Variants in NDE1 observed in about 807,000 individuals in gnomAD.
The protein encoded by NDE1 is nudE neurodevelopment protein 1, also known as nuclear distribution protein nudE homolog 1.
Under a neutral mutation model 43.4 loss-of-function variants are expected in NDE1, and 28 were observed. The observed-to-expected ratio is 0.65, with a 90% CI of 0.48 to 0.89. The LOEUF is 0.89. NDE1 is among the 40% of genes least tolerant of loss of function. The pLI is 0.00. For missense variants in NDE1, 441 were observed against 434.1 expected (o/e 1.02, Z -0.14); for synonymous variants, 184 against 172.0 (o/e 1.07, Z -0.55).
rs1286437352 is a variant in NDE1 at position 15,725,348 on chromosome 16, A to G, written c.*1097A>G. ...GACAAAGCAGCAGGTCTGAGAGTCC[A>G]GACGAGGTGCTCTGGCTGGTCCACT... is the stretch of plus-strand genomic sequence containing the variant. On this transcript the variant is annotated 3_prime_UTR_variant, in exon 9 of 9. Coordinates refer to ENST00000396354, the MANE Select transcript of NDE1 (RefSeq NM_017668.3). 1.8e-6 allele frequency: 1 copy of G among 559,848 alleles called. No homozygotes were observed. Among genetic ancestry groups the G allele is most frequent in the East Asian group, 3.0e-5 (1 of 33,134 alleles). The allele number at this position is 559,848 out of a possible 1,614,324, so 34.7% of individuals were successfully genotyped here.
Position 15,717,134 on chromosome 16 carries a change from G to T in NDE1, c.948-7057G>T, listed in dbSNP as rs371348553. ...AAACTGGGTTCGGAACTCCACACCCGCATACCTGGCCTCCTGCTCGACCTG... is the reference window on the plus strand; with the variant it reads ...AAACTGGGTTCGGAACTCCACACCCTCATACCTGGCCTCCTGCTCGACCTG... On this transcript the variant is annotated intron_variant, in intron 8 of 8. Transcript: ENST00000396354. 25 of 1,613,948 alleles carry T rather than the reference G, an allele frequency of 1.5e-5. No homozygotes were observed. The highest frequency in any genetic ancestry group is 3.3e-5 in the South Asian group (3 of 91,086).
At position 15,725,486 on chromosome 16, in the gene NDE1, G is replaced by A. The variant is rs981608565; in HGVS notation, c.*1235G>A. 3.3e-5 allele frequency: 14 copies of A among 428,740 alleles called. No individual in the cohort carries two copies. Among genetic ancestry groups the A allele is most frequent in the South Asian group, 8.6e-5 (1 of 11,676 alleles). 26.6% of individuals were successfully genotyped at this position (428,740 alleles called of 1,614,324 possible). ...GACCCTGATGGCCAAAGCCAGAGAC[G>A]CAGGCCCTAAAGGTAAAAACGTCCT... On this transcript the variant is annotated 3_prime_UTR_variant, in exon 9 of 9. Coordinates refer to ENST00000396354, the MANE Select transcript of NDE1 (RefSeq NM_017668.3).
At chr16:15,660,486 T>G (rs1359709734) in intron 1 of NDE1, among the ~76,000 whole-genome samples, 3 of 152,034 alleles carry the variant, frequency 2.0e-5, no homozygotes. Context: ...AAAAAAAAAT[T>G]GCTTCCCTCA....
chr16:15,717,587 G>T (rs2040229978), intron 8 of NDE1: 1 of 591,164 alleles, frequency 1.7e-6, no homozygotes, highest in Non-Finnish European at 3.0e-6. Context: ...TTGAGCTCAG[G>T]AGTTCGAGAC....
chr16:15,676,768 G>A (rs1412150909), intron 3 of NDE1, among the ~76,000 whole-genome samples: 1 of 151,930 alleles, frequency 6.6e-6, no homozygotes, highest in Non-Finnish European at 1.5e-5. Flanking sequence ...GGCTCGAATG[G>A]TCCTCCCACC....
chr16:15,706,564 G>A (rs554951157), intron 8 of NDE1, among the ~76,000 whole-genome samples: 9 of 152,060 alleles, frequency 5.9e-5, no homozygotes, highest in African/African-American at 9.7e-5. Flanking sequence ...TAAATTAGCC[G>A]TGCGTGGTGG....
intron 3 of NDE1, among the ~76,000 whole-genome samples, chr16:15,668,862 T>C (rs1054502632): frequency 2.0e-5 from 3 of 152,152 alleles, no homozygotes; most frequent in Admixed American, 2.0e-4. Flanking sequence ...TCATCCTCCG[T>C]TGGGAGGGAC....
At chr16:15,698,345 C>T (rs1245820117) in intron 8 of NDE1, among the ~76,000 whole-genome samples, 3 of 151,182 alleles carry the variant, frequency 2.0e-5, no homozygotes, top group African/African-American at 2.4e-5. Flanking sequence ...CGCAGTGAGC[C>T]GTGTTCCCAG....
intron 2 of NDE1, among the ~76,000 whole-genome samples, 173 bp from the exon 3 acceptor site, chr16:15,667,113 C>T (rs921269705): frequency 6.6e-6 from 1 of 151,866 alleles, no homozygotes; most frequent in Non-Finnish European, 1.5e-5. Flanking sequence ...GGGTGTGGTG[C>T]CGCATGCCTG....
intron 8 of NDE1, chr16:15,699,833 G>A (rs755739994): frequency 7.4e-7 from 1 of 1,349,500 alleles, no homozygotes; most frequent in East Asian, 4.6e-5. Flanking sequence ...GAAAACCACG[G>A]AAGCTGAAGG....
chr16:15,662,280 CTTTTTTTTTT>C (rs774915905), intron 1 of NDE1, among the ~76,000 whole-genome samples: 6 of 124,960 alleles, frequency 4.8e-5, no homozygotes, highest in African/African-American at 8.8e-5. Context: ...TTTCTCTTTT[CTTTTTTTTTT>C]TTTTTTTTTT....
intron 1 of NDE1, among the ~76,000 whole-genome samples, chr16:15,664,277 G>A (rs2037190734): frequency 6.6e-6 from 1 of 152,054 alleles, no homozygotes; most frequent in South Asian, 2.1e-4. Flanking sequence ...AATATAACAG[G>A]TGAGTGGATT....
At chr16:15,658,416 A>G (rs2036878903) in intron 1 of NDE1, among the ~76,000 whole-genome samples, 1 of 151,978 alleles carries the variant, frequency 6.6e-6, no homozygotes, top group Admixed American at 6.6e-5. Flanking sequence ...AATTAGGCCC[A>G]CCTCTGTCAC....
At chr16:15,720,728 G>A in intron 8 of NDE1, 1 of 1,243,776 alleles carries the variant, frequency 8.0e-7, no homozygotes, top group Non-Finnish European at 1.2e-6. Context: ...GCGAGACTCT[G>A]TTTCAAAAAA....
chr16:15,667,706 A>T (rs2037387850), intron 3 of NDE1, among the ~76,000 whole-genome samples: 1 of 139,336 alleles, frequency 7.2e-6, no homozygotes, highest in Middle Eastern at 3.7e-3. Flanking sequence ...ATCTTGGCTC[A>T]CTGCAACCTC....
chr16:15,668,082 G>C (rs1383599345), intron 3 of NDE1, among the ~76,000 whole-genome samples: 1 of 151,906 alleles, frequency 6.6e-6, no homozygotes. Flanking sequence ...CTCTCACCTG[G>C]GCCGGGCGAG....
At chr16:15,647,397 A>G (rs2036352142), upstream of NDE1, among the ~76,000 whole-genome samples, 1 of 152,178 alleles carries the variant, frequency 6.6e-6, no homozygotes, top group Non-Finnish European at 1.5e-5. Flanking sequence ...TACTAGTTGT[A>G]AGACCTCGGA....
Position 15,725,039 on chromosome 16 carries a change from C to G in NDE1, c.*788C>G, listed in dbSNP as rs1428706883. The G allele has an allele frequency of 1.3e-6, 2 of 1,552,042 alleles. No homozygotes were observed. Among genetic ancestry groups the G allele is most frequent in the African/African-American group, 1.4e-5 (1 of 73,640 alleles). Reference sequence around the variant, plus strand: ...TTAGTCAAAGCCTCTAGAAGGGGATCCTCGTTGAAAGGAGCCCTTTTTACT... The same window carrying G: ...TTAGTCAAAGCCTCTAGAAGGGGATGCTCGTTGAAAGGAGCCCTTTTTACT... On this transcript the variant is annotated 3_prime_UTR_variant, in exon 9 of 9. Coordinates refer to ENST00000396354, the MANE Select transcript of NDE1 (RefSeq NM_017668.3).
rs761273646 is a variant in NDE1, at chr16:15,724,218, C to T, written c.975C>T (p.Ser325=). The T allele has an allele frequency of 3.7e-6, 6 of 1,614,122 alleles. No individual in the cohort carries two copies. The highest frequency in any genetic ancestry group is 5.1e-6 in the Non-Finnish European group (6 of 1,180,042). Residue 325 remains serine (S), a synonymous_variant, in exon 9 of 9, where the codon TCC becomes TCT. Transcript: ENST00000396354. ...TGGACACGAGTTGCCGCTGGTTGTC[C>T]AAATCAACAACCAGGTCGTCCAGCT... ...KGLDTSCRWL[S]KSTTRSSSSC
Sources: gnomAD v4.1 joint callset for allele counts (sites outside exome capture counted in the v4.1 genomes callset) on GRCh38, gnomAD v4.1.1 for gene constraint, MANE v1.5 for transcripts, NCBI Gene and HGNC (gene_info 2026-07-23, HGNC 2026-07-21) for gene names.